Variants in IQCM observed in about 807,000 individuals in gnomAD.
IQCM encodes the protein IQ motif containing M.
In IQCM, 45 loss-of-function variants were observed where a neutral mutation model predicts 57.6. The ratio of observed to expected loss-of-function variants is 0.78; its 90% confidence interval spans 0.62 to 1.00. IQCM has a LOEUF of 1.00. IQCM is among the 50% of genes least tolerant of loss of function. The pLI, the probability that IQCM is intolerant of heterozygous loss-of-function variation, is 0.00. For missense variants in IQCM, 468 were observed against 511.6 expected (o/e 0.91, Z 0.82); for synonymous variants, 148 against 158.9 (o/e 0.93, Z 0.51).
intron 13 of IQCM, among the ~76,000 whole-genome samples, chr4:149,413,416 A>G (rs11929877): frequency 0.14 from 22,041 of 152,152 alleles, 2,023 homozygotes; most frequent in South Asian, 0.33. Context: ...CGGGGAGCAG[A>G]GGCTGACGCT....
intron 12 of IQCM, among the ~76,000 whole-genome samples, chr4:149,480,305 A>T (rs1297259389): frequency 6.6e-6 from 1 of 152,180 alleles, no homozygotes; most frequent in African/African-American, 2.4e-5. Context: ...ATACACACTT[A>T]AATTATTATT....
At chr4:149,474,254 A>T (rs1283383159) in intron 12 of IQCM, among the ~76,000 whole-genome samples, 1 of 151,948 alleles carries the variant, frequency 6.6e-6, no homozygotes, top group Non-Finnish European at 1.5e-5. Flanking sequence ...AGAGGACTAT[A>T]AAATAAAGTA....
chr4:149,790,324 G>T, intron 2 of IQCM: 1 of 215,624 alleles, frequency 4.6e-6, no homozygotes, highest in Non-Finnish European at 1.0e-5. Flanking sequence ...CTGCATTTGC[G>T]AGCTGCCTTC....
intron 2 of IQCM, among the ~76,000 whole-genome samples, chr4:149,809,988 T>C (rs1192477341): frequency 6.6e-6 from 1 of 152,098 alleles, no homozygotes; most frequent in African/African-American, 2.4e-5. Context: ...TTTCCAGGTT[T>C]CTTTCCTCTC....
chr4:149,421,825 CTTTAAAGACATT>C (rs1734142679), intron 13 of IQCM, among the ~76,000 whole-genome samples: 1 of 151,948 alleles, frequency 6.6e-6, no homozygotes, highest in Non-Finnish European at 1.5e-5. Flanking sequence ...CTAATGTTAA[CTTTAAAGACATT>C]TAAAATGTTC....
intron 9 of IQCM, among the ~76,000 whole-genome samples, chr4:149,577,441 CT>C (rs1296734344): frequency 6.6e-6 from 1 of 151,864 alleles, no homozygotes; most frequent in Non-Finnish European, 1.5e-5. Flanking sequence ...TTTTAATCTC[CT>C]ACATATAGCT....
chr4:149,368,782 A>ACG lies in IQCM; in HGVS notation c.1391-16717_1391-16716insCG, dbSNP rs1491496501. ...TATATATATATATACATATATATAC[A>ACG]TGTATATATATACATATATATACAT... On this transcript the variant is annotated intron_variant, in intron 13 of 13. Transcript: ENST00000636793. 9.5e-3 allele frequency among the ~76,000 whole-genome samples: 1,069 copies of ACG among 111,982 alleles called. 306 individuals are homozygous for ACG. Among genetic ancestry groups the ACG allele is most frequent in the Admixed American group, 0.018 (195 of 10,596 alleles). 73.5% of individuals were successfully genotyped at this position (111,982 alleles called of 152,430 possible). A position where few individuals can be genotyped will look rare whatever the true frequency, so the allele number is the denominator to read the frequency against.
chr4:149,555,686 A>G (rs1035968036), intron 10 of IQCM, among the ~76,000 whole-genome samples: 5 of 152,138 alleles, frequency 3.3e-5, no homozygotes, highest in African/African-American at 7.2e-5. Flanking sequence ...TAAATCTATA[A>G]GTGGATTTCT....
At chr4:149,509,443 T>G (rs759860989) in intron 12 of IQCM, among the ~76,000 whole-genome samples, 1 of 151,166 alleles carries the variant, frequency 6.6e-6, no homozygotes, top group South Asian at 2.1e-4. Context: ...TATGCTCAGC[T>G]TTTTTTTTCT....
intron 13 of IQCM, among the ~76,000 whole-genome samples, chr4:149,404,719 A>G (rs939850544): frequency 6.6e-6 from 1 of 152,132 alleles, no homozygotes; most frequent in African/African-American, 2.4e-5. Context: ...TGGAGTCTAT[A>G]AATGAAAGAA....
chr4:149,408,113 G>C (rs1431725996), intron 13 of IQCM, among the ~76,000 whole-genome samples: 1 of 151,652 alleles, frequency 6.6e-6, no homozygotes, highest in Non-Finnish European at 1.5e-5. Context: ...TATGTTTCTT[G>C]GTCATTTGTA....
chr4:149,374,998 T>TGTGTGTG (rs10699278), intron 13 of IQCM, among the ~76,000 whole-genome samples: 1,501 of 132,494 alleles, frequency 0.011, 13 homozygotes, highest in Non-Finnish European at 0.019. Flanking sequence ...TGTGTGTGTG[T>TGTGTGTG]TGTGTGTGTG....
At chr4:149,814,427 T>A (rs1774864592) in intron 2 of IQCM, among the ~76,000 whole-genome samples, 1 of 151,994 alleles carries the variant, frequency 6.6e-6, no homozygotes, top group African/African-American at 2.4e-5. Context: ...ATTTTCACAG[T>A]CCATTCTGAA....
intron 8 of IQCM, among the ~76,000 whole-genome samples, chr4:149,615,870 C>A (rs1755746877): frequency 6.6e-6 from 1 of 152,150 alleles, no homozygotes; most frequent in Non-Finnish European, 1.5e-5. Context: ...TTTTCCCAGT[C>A]ACCTTTTGTC....
chr4:149,416,437 T>C (rs990447236), intron 13 of IQCM, among the ~76,000 whole-genome samples: 1 of 152,158 alleles, frequency 6.6e-6, no homozygotes, highest in Admixed American at 6.6e-5. Flanking sequence ...GCTCCAGGCA[T>C]TTTCATCTCT....
intron 12 of IQCM, among the ~76,000 whole-genome samples, chr4:149,461,438 G>C (rs576267300): frequency 9.9e-5 from 15 of 151,794 alleles, no homozygotes; most frequent in Non-Finnish European, 1.6e-4. Context: ...AAACAACCTA[G>C]ATTAGAAAAT....
intron 7 of IQCM, among the ~76,000 whole-genome samples, chr4:149,648,473 T>C (rs1016339951): frequency 3.9e-5 from 6 of 152,226 alleles, no homozygotes; most frequent in African/African-American, 1.4e-4. Flanking sequence ...TCCAAGTCTT[T>C]GTTATTGTGA....
chr4:149,563,734 C>G lies in IQCM; in HGVS notation c.906G>C (p.Arg302Ser), dbSNP rs1025253931. The G allele has an allele frequency of 8.1e-7, 1 of 1,231,846 alleles. No individual in the cohort carries two copies. The highest frequency in any genetic ancestry group is 1.0e-6 in the Non-Finnish European group (1 of 987,926). 76.3% of individuals were successfully genotyped at this position (1,231,846 alleles called of 1,614,324 possible). ...GCAATCTTTTCCGTTCAAGCCATCC[C>G]CTGACATGTGCCTGCATGACGGTGA... ...RMVTVMQAHVRGWLERKRLQR... is the reference protein window; with the variant it reads ...RMVTVMQAHVSGWLERKRLQR... The change falls in exon 10 of 14, where the codon AGG (arginine) becomes AGC (serine). Residue 302 changes from arginine to serine, a missense_variant. By Grantham distance (110) the Arg-to-Ser change is moderately radical. Coordinates refer to ENST00000636793, the MANE Select transcript of IQCM (RefSeq NM_001363507.2).
At chr4:149,467,379 T>C (rs554967986) in intron 12 of IQCM, among the ~76,000 whole-genome samples, 27 of 152,318 alleles carry the variant, frequency 1.8e-4, no homozygotes, top group East Asian at 1.7e-3. Flanking sequence ...ACAACAAATA[T>C]GTATTGAGTA....
Sources: allele counts gnomAD v4.1 joint callset (sites outside exome capture counted in the v4.1 genomes callset), GRCh38; gene constraint gnomAD v4.1.1; transcripts MANE v1.5; gene names NCBI Gene and HGNC (gene_info 2026-07-23, HGNC 2026-07-21).